Variants in MLLT3 observed in about 807,000 individuals in gnomAD.
The protein encoded by MLLT3 is protein AF-9.
In MLLT3, 4 loss-of-function variants were observed where a neutral mutation model predicts 53.2. That is an observed-to-expected ratio of 0.08 (90% CI 0.04 to 0.17). The LOEUF is 0.17. MLLT3 is among the 10% of genes least tolerant of loss of function. The probability of loss-of-function intolerance (pLI) is 1.00; values close to 1 mark genes in which losing one functional copy is unlikely to be tolerated. For synonymous variants in MLLT3, 283 were observed against 230.6 expected (o/e 1.23, Z -2.06); for missense variants, 569 against 684.0 (o/e 0.83, Z 1.87).
At chr9:20,520,367 A>G (rs1201520273) in intron 2 of MLLT3, among the ~76,000 whole-genome samples, 1 of 152,150 alleles carries the variant, frequency 6.6e-6, no homozygotes. Context: ...TAAAAAAAAA[A>G]AGAATATCAC....
rs1211867818 is a variant in MLLT3, at chr9:20,456,698, A to G, written c.276+6T>C. ...ACTGAAAGATTAATGGGTAAAGATT[A>G]CATACCTTGTTTTTAAAATAAACTT... On this transcript the variant is annotated splice_donor_region_variant and intron_variant, in intron 3 of 10. Transcript: ENST00000380338. The G allele has an allele frequency of 1.9e-6, 3 of 1,588,052 alleles. No individual in the cohort carries two copies. Among genetic ancestry groups the G allele is most frequent in the African/African-American group, 1.3e-5 (1 of 74,208 alleles).
chr9:20,621,956 T>C lies in MLLT3; in HGVS notation c.12+289A>G. The C allele has an allele frequency of 7.2e-7, 1 of 1,389,432 alleles. No homozygotes were observed. Among genetic ancestry groups the C allele is most frequent in the South Asian group, 1.6e-5 (1 of 61,550 alleles). The allele number at this position is 1,389,432 out of a possible 1,614,324, so 86.1% of individuals were successfully genotyped here. ...GTGTGAGCGAGAGGGAGTGTGTGAG[T>C]GCGCTTCTTGTGACTGCAAAGAGGC... On this transcript the variant is annotated intron_variant, in intron 1 of 10. Transcript: ENST00000380338. This position sits in a 1 kb window ranked among gnomAD's most constrained non-coding sequence, Gnocchi z 7.0.
chr9:20,392,010 G>A (rs973664157), intron 5 of MLLT3, among the ~76,000 whole-genome samples: 19 of 152,122 alleles, frequency 1.2e-4, no homozygotes, highest in Non-Finnish European at 2.5e-4. Context: ...TCTAAGGAGC[G>A]TCGTATCACT....
chr9:20,558,811 A>T (rs1202476065), intron 2 of MLLT3, among the ~76,000 whole-genome samples: 1 of 152,250 alleles, frequency 6.6e-6, no homozygotes, highest in Non-Finnish European at 1.5e-5. Context: ...AACTGTTGGC[A>T]TCATTTGCAT....
intron 2 of MLLT3, among the ~76,000 whole-genome samples, chr9:20,605,672 T>C (rs1173693897): frequency 6.6e-6 from 1 of 152,070 alleles, no homozygotes; most frequent in Non-Finnish European, 1.5e-5. Flanking sequence ...TCATGTTTAC[T>C]TCCACAAAGG....
intron 2 of MLLT3, among the ~76,000 whole-genome samples, chr9:20,502,944 A>T (rs1825284792): frequency 6.6e-6 from 1 of 152,240 alleles, no homozygotes; most frequent in African/African-American, 2.4e-5. Context: ...AAAACAATCC[A>T]TTCACTACAG....
At chr9:20,429,157 C>G (rs1202138042) in intron 4 of MLLT3, among the ~76,000 whole-genome samples, 1 of 152,026 alleles carries the variant, frequency 6.6e-6, no homozygotes, top group African/African-American at 2.4e-5. Flanking sequence ...CTCTTGAGGC[C>G]AGAAGTTCAA....
chr9:20,581,880 G>C (rs952514896), intron 2 of MLLT3, among the ~76,000 whole-genome samples: 6 of 152,122 alleles, frequency 3.9e-5, no homozygotes, highest in Admixed American at 1.3e-4. Flanking sequence ...TTTAAGGAGA[G>C]CAACCCTCTC....
chr9:20,582,860 T>C lies in MLLT3; in HGVS notation c.193+37794A>G, dbSNP rs1185489196. Among the ~76,000 whole-genome samples, 7 of 152,274 alleles carry C rather than the reference T, an allele frequency of 4.6e-5. No individual in the cohort carries two copies. In the South Asian group the frequency reaches 1.0e-3, roughly 23 times the overall value. On this transcript the variant is annotated intron_variant, in intron 2 of 10. Transcript: ENST00000380338. ...GAAATTCTGGGAAATACAATTCAAATTGAGATTTGGGTGGGGGCACAGTCA... is the reference window on the plus strand; with the variant it reads ...GAAATTCTGGGAAATACAATTCAAACTGAGATTTGGGTGGGGGCACAGTCA...
intron 4 of MLLT3, among the ~76,000 whole-genome samples, chr9:20,443,781 T>C (rs1251012180): frequency 6.6e-6 from 1 of 152,202 alleles, no homozygotes; most frequent in East Asian, 1.9e-4. Flanking sequence ...GTATCTACTA[T>C]GTGCCATACA....
chr9:20,352,742 G>A (rs1821061096), intron 10 of MLLT3, among the ~76,000 whole-genome samples: 1 of 149,924 alleles, frequency 6.7e-6, no homozygotes. Context: ...CACACAGCTG[G>A]GGTAGATTAA....
At chr9:20,575,566 GC>G (rs1372228756) in intron 2 of MLLT3, among the ~76,000 whole-genome samples, 1 of 152,188 alleles carries the variant, frequency 6.6e-6, no homozygotes, top group Non-Finnish European at 1.5e-5. Context: ...CAGAATAGAT[GC>G]TGTGTCACCA....
intron 2 of MLLT3, among the ~76,000 whole-genome samples, chr9:20,513,712 C>G (rs1331649228): frequency 1.3e-5 from 2 of 152,124 alleles, no homozygotes; most frequent in Non-Finnish European, 2.9e-5. Flanking sequence ...GGTGGTTGTA[C>G]ACGGCAGGTA....
rs183910827 is a variant in MLLT3 at position 20,424,288 on chromosome 9, A to G, written c.421-9863T>C. Among the ~76,000 whole-genome samples the G allele has an allele frequency of 8.5e-5, 13 of 152,324 alleles. 1 individual carries two copies. In the East Asian group the frequency reaches 2.5e-3, roughly 29 times the overall value. Reference sequence around the variant, plus strand: ...ACTAAATAAATATTTTTAAGTTGATAAACTTATTAGTAGAGTTGTGTTCAG... The same window carrying G: ...ACTAAATAAATATTTTTAAGTTGATGAACTTATTAGTAGAGTTGTGTTCAG... On this transcript the variant is annotated intron_variant, in intron 4 of 10. Transcript: ENST00000380338.
At position 20,461,273 on chromosome 9, in the gene MLLT3, A is replaced by C. The variant is rs375205015; in HGVS notation, c.194-4487T>G. ...TAACAGACACAATATAGATTCAAAT[A>C]TATAATATGTAGTATGATGCTAACC... On this transcript the variant is annotated intron_variant, in intron 2 of 10. Transcript: ENST00000380338. Among the ~76,000 whole-genome samples, 15 of 152,322 alleles carry C rather than the reference A, an allele frequency of 9.8e-5. No individual in the cohort carries two copies. In the East Asian group the frequency reaches 2.7e-3, roughly 27 times the overall value.
chr9:20,511,812 A>C (rs1038216065), intron 2 of MLLT3, among the ~76,000 whole-genome samples: 2 of 152,190 alleles, frequency 1.3e-5, no homozygotes, highest in African/African-American at 4.8e-5. Context: ...CAGCAAGTAA[A>C]GCTTAGAAGA....
intron 2 of MLLT3, among the ~76,000 whole-genome samples, chr9:20,603,436 T>C (rs900842845): frequency 6.6e-6 from 1 of 152,096 alleles, no homozygotes; most frequent in African/African-American, 2.4e-5. Context: ...TGTTTTTTCC[T>C]CTGAATTTTG....
At chr9:20,359,162 A>G (rs1821254731) in intron 8 of MLLT3, among the ~76,000 whole-genome samples, 1 of 150,950 alleles carries the variant, frequency 6.6e-6, no homozygotes, top group African/African-American at 2.4e-5. Context: ...AAAAAAAAAA[A>G]AAAAAAAAAA....
chr9:20,551,976 C>T (rs1382789097), intron 2 of MLLT3, among the ~76,000 whole-genome samples: 2 of 152,200 alleles, frequency 1.3e-5, no homozygotes, highest in African/African-American at 2.4e-5. Context: ...TCAACAATTA[C>T]ACTTGCTTCC....
Sources: gnomAD v4.1 joint callset for allele counts (sites outside exome capture counted in the v4.1 genomes callset) on GRCh38, gnomAD v4.1.1 for gene constraint, Gnocchi (gnomAD v3.1) non-coding constraint, MANE v1.5 for transcripts, NCBI Gene and HGNC (gene_info 2026-07-23, HGNC 2026-07-21) for gene names.